Variants in LRP6 observed in about 807,000 individuals in gnomAD.
The protein encoded by LRP6 is low-density lipoprotein receptor-related protein 6.
A neutral mutation model predicts 184.1 loss-of-function variants in LRP6; 43 were observed. The observed-to-expected ratio is 0.23, with a 90% CI of 0.18 to 0.30. LRP6 has a LOEUF of 0.30. Among genes scored for constraint, LRP6 ranks in the 10% least tolerant of loss-of-function variants. The pLI is 1.00. For missense variants in LRP6, 1,571 were observed against 2,005.3 expected, an observed-to-expected ratio of 0.78 and a Z score of 4.14; for synonymous variants, 719 against 684.9, an observed-to-expected ratio of 1.05 and a Z score of -0.78.
chr12:12,141,999 T>C (rs945061428), intron 15 of LRP6, among the ~76,000 whole-genome samples: 36 of 152,174 alleles, frequency 2.4e-4, no homozygotes, highest in African/African-American at 8.2e-4. Flanking sequence ...TGGTTTAAGA[T>C]AGCAAAATCT....
intron 15 of LRP6, among the ~76,000 whole-genome samples, chr12:12,140,627 G>C (rs373792312): frequency 7.5e-6 from 1 of 133,842 alleles, no homozygotes; most frequent in Non-Finnish European, 1.7e-5. Flanking sequence ...TTTTTGAGAC[G>C]GAGTTTTGCT....
At chr12:12,171,356 AAC>A (rs953980857) in intron 7 of LRP6, among the ~76,000 whole-genome samples, 1 of 151,868 alleles carries the variant, frequency 6.6e-6, no homozygotes, top group Non-Finnish European at 1.5e-5. Context: ...CTCTACTAAA[AAC>A]ACACACACAA....
At chr12:12,126,192 C>A (rs1489259436) in intron 20 of LRP6, among the ~76,000 whole-genome samples, 1 of 152,238 alleles carries the variant, frequency 6.6e-6, no homozygotes, top group Non-Finnish European at 1.5e-5. Context: ...TCAGCTATGC[C>A]TAAACTAGCC....
At chr12:12,175,193 A>T (rs1863140325) in intron 7 of LRP6, among the ~76,000 whole-genome samples, 1 of 152,210 alleles carries the variant, frequency 6.6e-6, no homozygotes, top group Non-Finnish European at 1.5e-5. Flanking sequence ...GTTCGAGGCC[A>T]GCCTGGCCAA....
chr12:12,124,149 G>A (rs778084974), intron 22 of LRP6, among the ~76,000 whole-genome samples: 21 of 151,962 alleles, frequency 1.4e-4, no homozygotes, highest in East Asian at 3.9e-4. Flanking sequence ...CAAGGCAGGC[G>A]GATCACCTGA....
rs750842670 is a variant in LRP6, at chr12:12,126,906, G to T, written c.4097C>A (p.Pro1366Gln). 4.3e-6 allele frequency: 7 copies of T among 1,614,018 alleles called. No individual in the cohort carries two copies. The South Asian group carries it at 4.4e-5, about 10-fold the overall frequency. Reference sequence around the variant, plus strand: ...AACTGTATTGGTGGCCTGTGGTGCTGGTTCTTCAGTCGGATCTACAATGAA... The same window carrying T: ...AACTGTATTGGTGGCCTGTGGTGCTTGTTCTTCAGTCGGATCTACAATGAA... ...DELDCYPTEE[P>Q]APQATNTVGS... is the part of the protein sequence containing the mutation. Residue 1366 changes from proline to glutamine, a missense_variant, in exon 20 of 23, where the codon CCA (proline) becomes CAA (glutamine). Coordinates refer to ENST00000261349, the MANE Select transcript of LRP6 (RefSeq NM_002336.3).
At chr12:12,203,996 A>G (rs929831558) in intron 2 of LRP6, among the ~76,000 whole-genome samples, 1 of 152,180 alleles carries the variant, frequency 6.6e-6, no homozygotes, top group African/African-American at 2.4e-5. Flanking sequence ...CTTATTAACA[A>G]CAAAGAAGAA....
chr12:12,217,887 G>A (rs960001763), intron 2 of LRP6, among the ~76,000 whole-genome samples: 75 of 152,200 alleles, frequency 4.9e-4, no homozygotes, highest in African/African-American at 1.7e-3. Flanking sequence ...ATTCAAAAAC[G>A]ATAAAGACCT....
chr12:12,122,423 C>T (rs1348956848), intron 22 of LRP6, among the ~76,000 whole-genome samples: 1 of 152,060 alleles, frequency 6.6e-6, no homozygotes, highest in Non-Finnish European at 1.5e-5. Context: ...ACTGATACAA[C>T]GATTCATAAA....
At chr12:12,262,116 C>T (rs141122418) in intron 1 of LRP6, among the ~76,000 whole-genome samples, 6,268 of 152,176 alleles carry the variant, frequency 0.041, 177 homozygotes, top group Middle Eastern at 0.16. Flanking sequence ...CAGTGGCTCA[C>T]ACCTGTAATC....
chr12:12,181,137 T>G lies in LRP6; in HGVS notation c.1279A>C (p.Ile427Leu). Reference protein sequence around the residue: ...LYWTDTGTDRIEVTRLNGTMR... With the variant: ...LYWTDTGTDRLEVTRLNGTMR... The stretch of plus-strand genomic sequence containing the variant: ...GTCCCATTGAGCCTTGTCACTTCTA[T>G]TCGATCAGTGCCAGTGTCTGTCCAA... Residue 427 changes from isoleucine to leucine, a missense_variant, in exon 6 of 23, where the codon ATA (isoleucine) becomes CTA (leucine). Coordinates refer to ENST00000261349, the MANE Select transcript of LRP6 (RefSeq NM_002336.3). 1 of 1,614,114 alleles carries G rather than the reference T, an allele frequency of 6.2e-7. No individual in the cohort carries two copies. The highest frequency in any genetic ancestry group is 1.1e-5 in the South Asian group (1 of 91,084).
intron 3 of LRP6, 28 bp from the exon 4 acceptor site, chr12:12,187,147 C>T (rs1233327795): frequency 1.9e-6 from 3 of 1,593,766 alleles, no homozygotes; most frequent in Non-Finnish European, 2.6e-6. Context: ...AAAATTTAAA[C>T]TTATTTCTAA....
intron 3 of LRP6, among the ~76,000 whole-genome samples, chr12:12,188,142 C>T (rs1360916450): frequency 1.4e-5 from 2 of 147,120 alleles, no homozygotes; most frequent in Admixed American, 1.4e-4. Context: ...ATCCAGGAGG[C>T]GGAGGTTGCA....
intron 12 of LRP6, among the ~76,000 whole-genome samples, chr12:12,155,924 T>C (rs1242020063): frequency 6.6e-6 from 1 of 152,172 alleles, no homozygotes; most frequent in African/African-American, 2.4e-5. Context: ...AACAATAATT[T>C]CTTGAGTATC....
chr12:12,192,671 G>A (rs1406279785), intron 3 of LRP6, among the ~76,000 whole-genome samples: 1 of 151,942 alleles, frequency 6.6e-6, no homozygotes. Context: ...GGTTTTATGA[G>A]AAAGAGTCAT....
At chr12:12,140,125 C>T (rs1163332425) in intron 15 of LRP6, among the ~76,000 whole-genome samples, 1 of 151,282 alleles carries the variant, frequency 6.6e-6, no homozygotes, top group Non-Finnish European at 1.5e-5. Context: ...AAATTTGAAG[C>T]CCAAGACAAA....
At chr12:12,203,746 A>C (rs1180042936) in intron 2 of LRP6, among the ~76,000 whole-genome samples, 4 of 152,202 alleles carry the variant, frequency 2.6e-5, no homozygotes, top group African/African-American at 9.6e-5. Context: ...CCAGCCTGGC[A>C]ACAGAGCAAG....
rs1370725438 is a variant in LRP6, at chr12:12,181,040, T to G, written c.1373+3A>C. ...AGAATTTACTATCAGTAGAGCTTCTTACCCAACCATGGGATCTAACACAAT... is the reference window on the plus strand; with the variant it reads ...AGAATTTACTATCAGTAGAGCTTCTGACCCAACCATGGGATCTAACACAAT... On this transcript the variant is annotated splice_donor_region_variant and intron_variant, in intron 6 of 22. Coordinates refer to ENST00000261349, the MANE Select transcript of LRP6 (RefSeq NM_002336.3). 1 of 1,613,938 alleles carries G rather than the reference T, an allele frequency of 6.2e-7. No homozygotes were observed. Among genetic ancestry groups the G allele is most frequent in the Non-Finnish European group, 8.5e-7 (1 of 1,179,924 alleles).
intron 20 of LRP6, among the ~76,000 whole-genome samples, chr12:12,125,759 T>C (rs991635705): frequency 6.6e-6 from 1 of 152,056 alleles, no homozygotes; most frequent in Non-Finnish European, 1.5e-5. Context: ...AGGGTAGAGG[T>C]TGTGAGGCAG....
Sources: allele counts gnomAD v4.1 joint callset (sites outside exome capture counted in the v4.1 genomes callset), GRCh38; gene constraint gnomAD v4.1.1; transcripts MANE v1.5; gene names NCBI Gene and HGNC (gene_info 2026-07-23, HGNC 2026-07-21).